CADPS: variants seen among roughly 807,000 people sequenced by gnomAD.
CADPS encodes calcium dependent secretion activator.
A neutral mutation model predicts 167.3 loss-of-function variants in CADPS; 57 were observed. That is an observed-to-expected ratio of 0.34 (90% CI 0.28 to 0.42). CADPS has a LOEUF of 0.42. Among genes scored for constraint, CADPS ranks in the 20% least tolerant of loss-of-function variants. CADPS has a pLI of 1.00. For missense variants in CADPS, 1,414 were observed against 1,738.1 expected (o/e 0.81, Z 3.32); for synonymous variants, 676 against 635.3 (o/e 1.06, Z -0.96).
Position 62,557,489 on chromosome 3 carries a change from A to T in CADPS, c.1669T>A (p.Cys557Ser). 6.2e-7 allele frequency: 1 copy of T among 1,613,958 alleles called. No individual in the cohort carries two copies. Among genetic ancestry groups the T allele is most frequent in the South Asian group, 1.1e-5 (1 of 91,076 alleles). ...TCCGCTTTCTTCTCCCGATAACTGC[A>T]CATGGCAAACGTGTACTGACTGACC... ...VQVSQYTFAM[C>S]SYREKKAEPQ... The change falls in exon 10 of 30, where the codon TGC (cysteine) becomes AGC (serine). Residue 557 changes from cysteine (C) to serine (S), a missense_variant. Transcript: ENST00000383710.
At chr3:62,731,250 C>T (rs2077724795) in intron 3 of CADPS, among the ~76,000 whole-genome samples, 1 of 152,152 alleles carries the variant, frequency 6.6e-6, no homozygotes, top group Non-Finnish European at 1.5e-5. Flanking sequence ...CAATGCCTGG[C>T]ATGTAGCTGT....
At chr3:62,648,228 T>C (rs893665574) in intron 5 of CADPS, among the ~76,000 whole-genome samples, 3 of 152,156 alleles carry the variant, frequency 2.0e-5, no homozygotes, top group African/African-American at 7.2e-5. Context: ...AATTCAGTGT[T>C]CTATTTAAAA....
intron 15 of CADPS, 104 bp downstream of exon 15, chr3:62,516,476 A>G: frequency 1.1e-6 from 1 of 919,682 alleles, no homozygotes; most frequent in Non-Finnish European, 1.7e-6. Context: ...TGGTAAACAA[A>G]TCCTATAAAA....
At chr3:62,686,658 T>C (rs2078102741) in intron 3 of CADPS, among the ~76,000 whole-genome samples, 1 of 152,082 alleles carries the variant, frequency 6.6e-6, no homozygotes, top group Admixed American at 6.6e-5. Flanking sequence ...TTCCCATTCT[T>C]TCTGATTTTG....
chr3:62,681,248 C>A (rs1199847121), intron 3 of CADPS, among the ~76,000 whole-genome samples: 1 of 152,056 alleles, frequency 6.6e-6, no homozygotes, highest in Non-Finnish European at 1.5e-5. Flanking sequence ...CACAGCCTGT[C>A]TCTCAAAGAC....
At chr3:62,519,740 C>T (rs985221269) in intron 13 of CADPS, among the ~76,000 whole-genome samples, 1 of 152,092 alleles carries the variant, frequency 6.6e-6, no homozygotes, top group African/African-American at 2.4e-5. Flanking sequence ...CTGCCTCAGC[C>T]TCTTGAGTAG....
intron 1 of CADPS, among the ~76,000 whole-genome samples, chr3:62,852,418 C>T (rs1053800304): frequency 6.6e-5 from 10 of 152,084 alleles, no homozygotes; most frequent in African/African-American, 2.4e-4. Context: ...GCCATCTTGG[C>T]TCCTCCCCCA....
intron 1 of CADPS, among the ~76,000 whole-genome samples, chr3:62,832,481 C>T (rs2152994569): frequency 6.6e-6 from 1 of 152,300 alleles, no homozygotes; most frequent in Non-Finnish European, 1.5e-5. Context: ...ACTACCACTG[C>T]ATTAGACAGC....
At chr3:62,571,013 G>C in intron 8 of CADPS, 75 bp from the exon 9 acceptor site, 1 of 992,032 alleles carries the variant, frequency 1.0e-6, no homozygotes, top group Non-Finnish European at 1.6e-6. Context: ...TTGCCGTGAA[G>C]CTTGGTACTT....
chr3:62,653,803 G>A (rs558440364), intron 4 of CADPS, among the ~76,000 whole-genome samples: 3 of 152,152 alleles, frequency 2.0e-5, no homozygotes, highest in South Asian at 4.2e-4. Context: ...TTTTCCATGT[G>A]AATAAAATAT....
At chr3:62,857,627 T>C (rs1465595823) in intron 1 of CADPS, among the ~76,000 whole-genome samples, 1 of 152,054 alleles carries the variant, frequency 6.6e-6, no homozygotes, top group East Asian at 1.9e-4. Context: ...AAGCAATATA[T>C]GTAGAAATAT....
intron 3 of CADPS, among the ~76,000 whole-genome samples, chr3:62,746,631 CCCA>C (rs2081512384): frequency 6.6e-6 from 1 of 152,150 alleles, no homozygotes; most frequent in Admixed American, 6.5e-5. Flanking sequence ...AGCCACTGTG[CCCA>C]ACCAGGTGAT....
chr3:62,689,838 T>A (rs1039675), intron 3 of CADPS, among the ~76,000 whole-genome samples: 132,667 of 151,746 alleles, frequency 0.87, 58,154 homozygotes, highest in East Asian at 0.98. Context: ...GGAGGATGGG[T>A]AAGATTTCAA....
Position 62,875,117 on chromosome 3 carries a change from C to G in CADPS, c.-88G>C. On this transcript the variant is annotated 5_prime_UTR_variant, in exon 1 of 30. Transcript: ENST00000383710. ...CTGGAGGCAGCCGGGGATCAGCTCT[C>G]CCGGGTGGGCGCTTCTCCCCAGGTC... is the stretch of plus-strand genomic sequence containing the variant. 7.3e-7 allele frequency: 1 copy of G among 1,363,694 alleles called. No homozygotes were observed. Among genetic ancestry groups the G allele is most frequent in the Non-Finnish European group, 9.6e-7 (1 of 1,045,212 alleles). 84.5% of individuals were successfully genotyped at this position (1,363,694 alleles called of 1,614,324 possible).
intron 23 of CADPS, 150 bp from the exon 24 acceptor site, chr3:62,474,470 C>CT (rs1322240828): frequency 5.8e-6 from 4 of 691,948 alleles, no homozygotes; most frequent in Non-Finnish European, 9.8e-6. Context: ...TTTTAAATGA[C>CT]TTTCCCAACT....
intron 3 of CADPS, among the ~76,000 whole-genome samples, chr3:62,728,880 T>C (rs913259371): frequency 5.3e-5 from 8 of 152,004 alleles, no homozygotes; most frequent in African/African-American, 1.9e-4. Flanking sequence ...TCCACTAGGG[T>C]GGATAACTGC....
intron 16 of CADPS, among the ~76,000 whole-genome samples, chr3:62,515,417 A>G (rs994765925): frequency 6.6e-6 from 1 of 152,076 alleles, no homozygotes; most frequent in African/African-American, 2.4e-5. Context: ...AGTTTACTCA[A>G]AGCACCTTTG....
At position 62,449,247 on chromosome 3, in the gene CADPS, T is replaced by C. The variant is rs544946104; in HGVS notation, c.3637-3450A>G. On this transcript the variant is annotated intron_variant, in intron 26 of 29. Transcript: ENST00000383710. ...TGGAGAAGCTCAAACAGAGGCTAGG[T>C]AGAAGGCTCTGGACGTGTTTTTCTT... 2.0e-5 allele frequency among the ~76,000 whole-genome samples: 3 copies of C among 152,360 alleles called. No homozygotes were observed. The East Asian group carries it at 5.8e-4, about 29-fold the overall frequency.
intron 3 of CADPS, among the ~76,000 whole-genome samples, chr3:62,733,352 A>C (rs2078314079): frequency 6.6e-6 from 1 of 152,180 alleles, no homozygotes; most frequent in African/African-American, 2.4e-5. Context: ...AATTTGAAGA[A>C]ACTTGCCTGA....
Sources: allele counts gnomAD v4.1 joint callset (sites outside exome capture counted in the v4.1 genomes callset), GRCh38; gene constraint gnomAD v4.1.1; transcripts MANE v1.5; gene names NCBI Gene and HGNC (gene_info 2026-07-23, HGNC 2026-07-21).